Variants in SYCP1 observed in about 807,000 individuals in gnomAD.
The protein encoded by SYCP1 is cancer/testis antigen 8.
A neutral mutation model predicts 153.1 loss-of-function variants in SYCP1; 64 were observed. The ratio of observed to expected loss-of-function variants is 0.42; its 90% CI spans 0.34 to 0.51. The LOEUF is 0.51. SYCP1 is among the 20% of genes least tolerant of loss of function. The pLI is 0.06. For synonymous variants in SYCP1, 384 were observed against 341.8 expected, an observed-to-expected ratio of 1.12 and a Z score of -1.36; for missense variants, 997 against 1,049.0, an observed-to-expected ratio of 0.95 and a Z score of 0.68.
At chr1:114,992,792 C>T (rs575420986) in intron 30 of SYCP1, among the ~76,000 whole-genome samples, 1 of 151,158 alleles carries the variant, frequency 6.6e-6, no homozygotes, top group East Asian at 2.0e-4. Context: ...TGGACTGCAT[C>T]AAAATTAAGA....
intron 27 of SYCP1, among the ~76,000 whole-genome samples, chr1:114,961,061 G>T (rs1671753740): frequency 6.6e-6 from 1 of 152,040 alleles, no homozygotes; most frequent in Non-Finnish European, 1.5e-5. Context: ...AGTTTCTCTT[G>T]CTTCCTGGTT....
At chr1:114,994,354 T>A (rs544150048) in intron 30 of SYCP1, among the ~76,000 whole-genome samples, 2 of 151,378 alleles carry the variant, frequency 1.3e-5, no homozygotes, top group African/African-American at 4.8e-5. Flanking sequence ...GAGGACAAGA[T>A]GGCATTATAA....
intron 20 of SYCP1, among the ~76,000 whole-genome samples, chr1:114,917,395 A>G (rs1205515113): frequency 3.3e-5 from 5 of 152,166 alleles, no homozygotes; most frequent in Non-Finnish European, 7.4e-5. Flanking sequence ...TCACCTGTTG[A>G]TGGACACTTA....
chr1:114,923,635 T>C, intron 21 of SYCP1, 105 bp downstream of exon 21: 1 of 1,167,566 alleles, frequency 8.6e-7, no homozygotes, highest in Non-Finnish European at 1.1e-6. Flanking sequence ...GTATAAATAA[T>C]AGTGATCTAG....
In SYCP1 at chr1:114,878,083, A is replaced by T; in HGVS notation, c.802-11A>T. ...TTTTCATATTGATAATGTATTATTTAAATATTTTAGGTATCACTACTATTG... is the reference window on the plus strand; with the variant it reads ...TTTTCATATTGATAATGTATTATTTTAATATTTTAGGTATCACTACTATTG... On this transcript the variant is annotated splice_polypyrimidine_tract_variant and intron_variant, in intron 11 of 31. Coordinates refer to ENST00000369522, the MANE Select transcript of SYCP1 (RefSeq NM_003176.4). 1.4e-6 allele frequency: 2 copies of T among 1,396,608 alleles called. No homozygotes were observed. Among genetic ancestry groups the T allele is most frequent in the Non-Finnish European group, 2.0e-6 (2 of 1,010,934 alleles). 86.5% of individuals were successfully genotyped at this position (1,396,608 alleles called of 1,614,324 possible). A position where few individuals can be genotyped will look rare whatever the true frequency, so the allele number is the denominator to read the frequency against.
At chr1:114,940,829 CT>C (rs544039315) in intron 23 of SYCP1, among the ~76,000 whole-genome samples, 2 of 151,454 alleles carry the variant, frequency 1.3e-5, no homozygotes, top group Admixed American at 1.3e-4. Context: ...TGTACCTCTG[CT>C]TTTTTTTATT....
chr1:114,982,064 A>G (rs1295350413), intron 29 of SYCP1, among the ~76,000 whole-genome samples: 1 of 152,026 alleles, frequency 6.6e-6, no homozygotes, highest in South Asian at 2.1e-4. Context: ...TGGGGAATTC[A>G]TACAACTTTT....
chr1:114,950,505 T>C (rs1232185484), intron 27 of SYCP1, among the ~76,000 whole-genome samples: 1 of 152,156 alleles, frequency 6.6e-6, no homozygotes, highest in Non-Finnish European at 1.5e-5. Flanking sequence ...TACAAACCCA[T>C]ATCTCAGAGT....
intron 17 of SYCP1, 130 bp downstream of exon 17, chr1:114,910,631 T>G: frequency 1.9e-6 from 1 of 522,676 alleles, no homozygotes. Context: ...TATTATTACA[T>G]TAATATATTT....
chr1:114,903,472 A>G (rs966430609), intron 16 of SYCP1, among the ~76,000 whole-genome samples: 3 of 152,242 alleles, frequency 2.0e-5, no homozygotes, highest in Non-Finnish European at 4.4e-5. Flanking sequence ...AGCATATCAG[A>G]TAGAGGAAAC....
At chr1:114,944,721 A>T (rs1243064336) in intron 24 of SYCP1, 151 bp from the exon 25 acceptor site, 1 of 663,696 alleles carries the variant, frequency 1.5e-6, no homozygotes. Context: ...AAACACCCCG[A>T]AAAAACCCCA....
At chr1:114,896,227 C>G (rs1015477038) in intron 16 of SYCP1, among the ~76,000 whole-genome samples, 4 of 152,192 alleles carry the variant, frequency 2.6e-5, no homozygotes, top group African/African-American at 9.7e-5. Flanking sequence ...CCTATCACAT[C>G]TCTACCTGAT....
chr1:114,864,970 G>A (rs572013170), intron 8 of SYCP1, among the ~76,000 whole-genome samples: 45 of 152,046 alleles, frequency 3.0e-4, no homozygotes, highest in East Asian at 1.4e-3. Flanking sequence ...CCATTAACTC[G>A]TCATTTAGCA....
chr1:114,855,429 C>A lies in SYCP1; in HGVS notation c.-24-12C>A. The stretch of plus-strand genomic sequence containing the variant: ...AAACTTTCCTTCCCCTCCCGCCCCC[C>A]CGGGGCAGTAGATATTTACAACCGT... On this transcript the variant is annotated splice_polypyrimidine_tract_variant and intron_variant, in intron 1 of 31. Coordinates refer to ENST00000369522, the MANE Select transcript of SYCP1 (RefSeq NM_003176.4). 1.3e-6 allele frequency: 2 copies of A among 1,562,078 alleles called. No individual in the cohort carries two copies. Among genetic ancestry groups the A allele is most frequent in the East Asian group, 2.3e-5 (1 of 44,044 alleles).
chr1:114,900,009 G>A (rs1375902368), intron 16 of SYCP1, among the ~76,000 whole-genome samples: 1 of 152,184 alleles, frequency 6.6e-6, no homozygotes, highest in African/African-American at 2.4e-5. Context: ...TGCCAAAGTC[G>A]TGATTCAGAA....
intron 23 of SYCP1, among the ~76,000 whole-genome samples, chr1:114,926,871 G>A (rs1669287594): frequency 6.6e-6 from 1 of 152,072 alleles, no homozygotes; most frequent in Admixed American, 6.6e-5. Flanking sequence ...AAGTGAAATT[G>A]AGTAAGTGGA....
At position 114,992,300 on chromosome 1, in the gene SYCP1, C is replaced by T. The variant is rs568248965; in HGVS notation, c.2704-2398C>T. Reference sequence around the variant, plus strand: ...TTTTTGCATAAATGGAAAAAATACTCAAATTAATGTGGAATTGCAAAGGGC... The same window carrying T: ...TTTTTGCATAAATGGAAAAAATACTTAAATTAATGTGGAATTGCAAAGGGC... On this transcript the variant is annotated intron_variant, in intron 30 of 31. Transcript: ENST00000369522. Among the ~76,000 whole-genome samples, 10 of 151,658 alleles carry T rather than the reference C, an allele frequency of 6.6e-5. No individual in the cohort carries two copies. In the South Asian group the frequency reaches 1.9e-3, roughly 28 times the overall value.
intron 3 of SYCP1, among the ~76,000 whole-genome samples, chr1:114,857,013 A>T (rs1664011822): frequency 6.7e-6 from 1 of 149,500 alleles, no homozygotes; most frequent in African/African-American, 2.5e-5. Context: ...AGTCCCAGCT[A>T]CTTGGGAGGC....
intron 23 of SYCP1, among the ~76,000 whole-genome samples, chr1:114,931,733 T>C (rs897746196): frequency 7.9e-5 from 12 of 152,142 alleles, no homozygotes; most frequent in Non-Finnish European, 1.8e-4. Flanking sequence ...GCTTGTAAAA[T>C]GCATGTGAAC....
Sources: gnomAD v4.1 joint callset for allele counts (sites outside exome capture counted in the v4.1 genomes callset) on GRCh38, gnomAD v4.1.1 for gene constraint, MANE v1.5 for transcripts, NCBI Gene and HGNC (gene_info 2026-07-23, HGNC 2026-07-21) for gene names.